Variants in SYNPR observed in about 807,000 individuals in gnomAD.
The protein encoded by SYNPR is synaptoporin.
In SYNPR, 23 loss-of-function variants were observed where a neutral mutation model predicts 32.9. The observed-to-expected ratio is 0.70, with a 90% confidence interval of 0.50 to 0.99. The LOEUF is 0.99. Ranked by LOEUF, SYNPR falls within the 50% of genes least tolerant of loss-of-function variation. The pLI is 0.00. For synonymous variants in SYNPR, 146 were observed against 135.9 expected, an observed-to-expected ratio of 1.07 and a Z score of -0.52; for missense variants, 318 against 349.3, an observed-to-expected ratio of 0.91 and a Z score of 0.71.
intron 3 of SYNPR, among the ~76,000 whole-genome samples, chr3:63,530,960 T>C (rs1376218644): frequency 1.3e-5 from 2 of 152,080 alleles, no homozygotes; most frequent in African/African-American, 4.8e-5. Context: ...ATTTGAATGA[T>C]GAGTAGAGTT....
chr3:63,474,169 G>C (rs1700857348), intron 2 of SYNPR, among the ~76,000 whole-genome samples: 1 of 152,124 alleles, frequency 6.6e-6, no homozygotes, highest in Non-Finnish European at 1.5e-5. Flanking sequence ...TCCCCCAAAA[G>C]GGCAAGAACA....
upstream of SYNPR, among the ~76,000 whole-genome samples, chr3:63,224,167 T>C (rs1181927824): frequency 6.6e-6 from 1 of 152,054 alleles, no homozygotes; most frequent in Non-Finnish European, 1.5e-5. Context: ...AGGAGGTGAG[T>C]GGCAGGCAAG....
intron 4 of SYNPR, among the ~76,000 whole-genome samples, chr3:63,580,355 A>C (rs563400780): frequency 6.6e-6 from 1 of 152,288 alleles, no homozygotes; most frequent in African/African-American, 2.4e-5. Flanking sequence ...TACTTTAAAA[A>C]CTATTCTTTC....
At chr3:63,261,038 A>T (rs2086433141) in intron 2 of SYNPR, among the ~76,000 whole-genome samples, 1 of 152,218 alleles carries the variant, frequency 6.6e-6, no homozygotes, top group African/African-American at 2.4e-5. Context: ...ACCACTTAGA[A>T]TGGTGATCAT....
upstream of SYNPR, among the ~76,000 whole-genome samples, chr3:63,224,257 G>T (rs1560161202): frequency 6.6e-6 from 1 of 152,114 alleles, no homozygotes; most frequent in Non-Finnish European, 1.5e-5. Context: ...ACCCTATTGT[G>T]AGCTATGCAT....
At chr3:63,357,717 T>C (rs760814031) in intron 2 of SYNPR, among the ~76,000 whole-genome samples, 46 of 152,196 alleles carry the variant, frequency 3.0e-4, no homozygotes, top group Non-Finnish European at 6.5e-4. Context: ...CTTTATAAAA[T>C]GCATATTCTT....
intron 3 of SYNPR, among the ~76,000 whole-genome samples, chr3:63,484,206 T>C (rs911700712): frequency 6.6e-6 from 1 of 152,194 alleles, no homozygotes; most frequent in Non-Finnish European, 1.5e-5. Context: ...CAATGTATCA[T>C]ATTGTTATAG....
intron 2 of SYNPR, among the ~76,000 whole-genome samples, chr3:63,352,279 CTTG>C: frequency 1.3e-5 from 2 of 151,980 alleles, no homozygotes; most frequent in Admixed American, 1.3e-4. Context: ...GGGAAGGATT[CTTG>C]AAAATCCTCT....
At chr3:63,605,070 G>T (rs950866015) in intron 4 of SYNPR, among the ~76,000 whole-genome samples, 12 of 152,150 alleles carry the variant, frequency 7.9e-5, no homozygotes, top group Non-Finnish European at 1.6e-4. Context: ...AACCAGAAAT[G>T]AGCTAGGTAG....
At chr3:63,227,345 T>C (rs915560888), upstream of SYNPR, among the ~76,000 whole-genome samples, 2 of 152,204 alleles carry the variant, frequency 1.3e-5, no homozygotes, top group African/African-American at 4.8e-5. Context: ...CTTTCTGTTT[T>C]AAATAGAGGA....
intron 3 of SYNPR, among the ~76,000 whole-genome samples, chr3:63,555,425 T>G (rs1294117057): frequency 6.6e-6 from 1 of 152,016 alleles, no homozygotes; most frequent in East Asian, 1.9e-4. Context: ...TCCCTAATTA[T>G]CATTTCTGAA....
chr3:63,306,645 T>A (rs544641422), intron 2 of SYNPR, among the ~76,000 whole-genome samples: 5 of 152,190 alleles, frequency 3.3e-5, no homozygotes, highest in African/African-American at 4.8e-5. Context: ...ATATGCTTAA[T>A]TATGACTTCA....
intron 4 of SYNPR, among the ~76,000 whole-genome samples, chr3:63,589,573 C>A (rs1354812915): frequency 6.6e-6 from 1 of 150,506 alleles, no homozygotes; most frequent in African/African-American, 2.4e-5. Context: ...ACTGGCAAAC[C>A]GAATCCAGCA....
At chr3:63,457,391 A>T (rs1031464788) in intron 2 of SYNPR, among the ~76,000 whole-genome samples, 1 of 151,988 alleles carries the variant, frequency 6.6e-6, no homozygotes, top group African/African-American at 2.4e-5. Context: ...TACGATCTTA[A>T]GATGTCACTC....
chr3:63,600,123 G>T (rs1479667843), intron 4 of SYNPR, among the ~76,000 whole-genome samples: 2 of 152,204 alleles, frequency 1.3e-5, no homozygotes. Context: ...AGCTGTCTAT[G>T]CTTTAGTTTC....
intron 3 of SYNPR, among the ~76,000 whole-genome samples, chr3:63,521,485 A>T (rs1446134835): frequency 6.6e-6 from 1 of 152,224 alleles, no homozygotes; most frequent in African/African-American, 2.4e-5. Flanking sequence ...CAGGGAGCGT[A>T]CTTGGCAATC....
chr3:63,431,839 T>TC (rs1162678586), intron 2 of SYNPR, among the ~76,000 whole-genome samples: 1 of 151,476 alleles, frequency 6.6e-6, no homozygotes, highest in Non-Finnish European at 1.5e-5. Context: ...CCTTTTCTTT[T>TC]TTTTTTTTTC....
chr3:63,386,994 T>C (rs747480597), intron 2 of SYNPR, among the ~76,000 whole-genome samples: 1 of 152,236 alleles, frequency 6.6e-6, no homozygotes, highest in African/African-American at 2.4e-5. Context: ...CTCATTTCTC[T>C]GGGATCAGTT....
intron 3 of SYNPR, among the ~76,000 whole-genome samples, chr3:63,529,893 T>A (rs1345705794): frequency 6.6e-6 from 1 of 152,116 alleles, no homozygotes; most frequent in Admixed American, 6.5e-5. Flanking sequence ...TGGGAGTCAC[T>A]CATCCACCAT....
Sources: gnomAD v4.1 joint callset for allele counts (sites outside exome capture counted in the v4.1 genomes callset) on GRCh38, gnomAD v4.1.1 for gene constraint, MANE v1.5 for transcripts, NCBI Gene and HGNC (gene_info 2026-07-23, HGNC 2026-07-21) for gene names.